Variants in CACNB2 observed in about 807,000 individuals in gnomAD.
CACNB2 encodes the protein voltage-dependent L-type calcium channel subunit beta-2.
In CACNB2, 42 loss-of-function variants were observed where a neutral mutation model predicts 73.3. The observed-to-expected ratio is 0.57, with a 90% CI of 0.45 to 0.74. The LOEUF is 0.74. CACNB2 is among the 30% of genes least tolerant of loss of function. CACNB2 has a pLI of 0.00. For synonymous variants in CACNB2, 348 were observed against 310.3 expected (o/e 1.12, Z -1.28); for missense variants, 940 against 853.0 (o/e 1.10, Z -1.27).
intron 2 of CACNB2, among the ~76,000 whole-genome samples, chr10:18,318,338 G>A (rs1210007191): frequency 3.3e-5 from 5 of 152,160 alleles, no homozygotes; most frequent in African/African-American, 1.2e-4. Context: ...ACAACCATCT[G>A]ATCTTCAACA....
At chr10:18,486,809 G>A (rs1242304382) in intron 3 of CACNB2, among the ~76,000 whole-genome samples, 1 of 152,202 alleles carries the variant, frequency 6.6e-6, no homozygotes, top group African/African-American at 2.4e-5. Context: ...ATCCTTTTGG[G>A]TCTGTAGGCC....
At chr10:18,425,402 C>G (rs1436612352) in intron 3 of CACNB2, among the ~76,000 whole-genome samples, 2 of 152,262 alleles carry the variant, frequency 1.3e-5, no homozygotes, top group East Asian at 1.9e-4. Context: ...TGTGGTGGCT[C>G]AATCCTGTAA....
chr10:18,268,505 A>G (rs1282372588), intron 2 of CACNB2, among the ~76,000 whole-genome samples: 10 of 152,244 alleles, frequency 6.6e-5, no homozygotes, highest in Admixed American at 5.9e-4. Context: ...AGAATACGTT[A>G]TATAAAAATT....
chr10:18,324,617 C>T (rs2040513017), intron 2 of CACNB2, among the ~76,000 whole-genome samples: 2 of 152,222 alleles, frequency 1.3e-5, no homozygotes, highest in Non-Finnish European at 2.9e-5. Context: ...CTTTGGGAGG[C>T]CGAAGTGGGT....
intron 2 of CACNB2, among the ~76,000 whole-genome samples, chr10:18,324,035 T>C (rs1356196816): frequency 2.0e-5 from 3 of 152,218 alleles, no homozygotes; most frequent in East Asian, 1.9e-4. Flanking sequence ...TTTAAACATC[T>C]AACTGATCAT....
At chr10:18,317,107 C>T (rs757050994) in intron 2 of CACNB2, among the ~76,000 whole-genome samples, 2 of 151,804 alleles carry the variant, frequency 1.3e-5, no homozygotes, top group African/African-American at 4.8e-5. Flanking sequence ...CCCCACACCA[C>T]CCCCTGCCCC....
At chr10:18,503,904 A>G (rs1417832638) in intron 5 of CACNB2, among the ~76,000 whole-genome samples, 1 of 152,196 alleles carries the variant, frequency 6.6e-6, no homozygotes, top group Non-Finnish European at 1.5e-5. Context: ...TTTTTTAAGT[A>G]TAGTATTTAC....
chr10:18,356,950 T>TTTC lies in CACNB2; in HGVS notation c.214-44972_214-44971insCTT, dbSNP rs1554799776. On this transcript the variant is annotated intron_variant, in intron 2 of 13. Transcript: ENST00000324631. ...TGGCCCAGACTCAATTTCTTTTTTTTTTTTTTTTTTTTGAGACGGAGTTTC... is the reference window on the plus strand; with the variant it reads ...TGGCCCAGACTCAATTTCTTTTTTTTTTCTTTTTTTTTTTTGAGACGGAGTTTC... Among the ~76,000 whole-genome samples, 171 of 124,554 alleles carry TTTC rather than the reference T, an allele frequency of 1.4e-3. 5 individuals carry two copies. The highest frequency in any genetic ancestry group is 1.8e-3 in the Non-Finnish European group (103 of 57,548). The allele number at this position is 124,554 out of a possible 152,430, so 81.7% of individuals were successfully genotyped here.
At chr10:18,452,466 A>T (rs962861165) in intron 3 of CACNB2, among the ~76,000 whole-genome samples, 1 of 152,216 alleles carries the variant, frequency 6.6e-6, no homozygotes, top group African/African-American at 2.4e-5. Flanking sequence ...TTTAAAAAAA[A>T]ATTATCTAGC....
intron 2 of CACNB2, among the ~76,000 whole-genome samples, chr10:18,172,394 G>A (rs1418666065): frequency 6.6e-6 from 1 of 152,158 alleles, no homozygotes; most frequent in Non-Finnish European, 1.5e-5. Context: ...ACTTCCATCT[G>A]GAGAGTTGAT....
chr10:18,522,688 G>A (rs189350730), intron 9 of CACNB2, among the ~76,000 whole-genome samples: 96 of 151,970 alleles, frequency 6.3e-4, no homozygotes, highest in African/African-American at 2.1e-3. Context: ...GACCGGCTTC[G>A]CCAACATGGT....
intron 1 of CACNB2, 62 bp downstream of exon 1, chr10:18,140,918 G>C (rs2030316421): frequency 6.5e-7 from 1 of 1,547,600 alleles, no homozygotes; most frequent in South Asian, 1.2e-5. Flanking sequence ...ACCGACCTCG[G>C]GTTCTCCCGG....
rs59709475 is a variant in CACNB2, at chr10:18,333,442, TA to T, written c.214-68470del. 5.4e-3 allele frequency among the ~76,000 whole-genome samples: 792 copies of T among 146,532 alleles called. 6 individuals are homozygous for T. The highest frequency in any genetic ancestry group is 0.017 in the African/African-American group (691 of 40,240). On this transcript the variant is annotated intron_variant, in intron 2 of 13. Transcript: ENST00000324631. ...GCTCAGTTGGAAATTTTGTTAATGT[TA>T]AAAAAAAAAAACCTGTTAGAGACAA...
At chr10:18,356,809 T>A (rs2041926645) in intron 2 of CACNB2, among the ~76,000 whole-genome samples, 1 of 151,960 alleles carries the variant, frequency 6.6e-6, no homozygotes, top group Non-Finnish European at 1.5e-5. Flanking sequence ...TTTTTATATT[T>A]TGTAGGGGTG....
At chr10:18,173,865 T>G (rs2131167902) in intron 2 of CACNB2, among the ~76,000 whole-genome samples, 1 of 152,314 alleles carries the variant, frequency 6.6e-6, no homozygotes, top group African/African-American at 2.4e-5. Context: ...ATGTTTAGAT[T>G]TTACGTTTCT....
chr10:18,276,034 T>C (rs2038273408), intron 2 of CACNB2, among the ~76,000 whole-genome samples: 1 of 152,208 alleles, frequency 6.6e-6, no homozygotes, highest in Non-Finnish European at 1.5e-5. Context: ...CATTTCAACA[T>C]GTCAAAGTAT....
chr10:18,140,832 G>A lies in CACNB2; in HGVS notation c.96G>A (p.Ala32=), dbSNP rs1057522395. 8 of 1,603,008 alleles carry A rather than the reference G, an allele frequency of 5.0e-6. No individual in the cohort carries two copies. Among genetic ancestry groups the A allele is most frequent in the Non-Finnish European group, 6.0e-6 (7 of 1,176,454 alleles). The part of the protein sequence containing the change: ...QMELLENVAP[A]GALGAAAQSY... ...AACTGCTAGAGAACGTGGCTCCCGC[G>A]GGGGCGCTCGGAGCCGCCGCACAGG... The change falls in exon 1 of 14, where the codon GCG becomes GCA. Residue 32 remains alanine (A), a synonymous_variant. Coordinates refer to ENST00000324631, the MANE Select transcript of CACNB2 (RefSeq NM_201596.3).
chr10:18,288,935 C>G (rs2038928739), intron 2 of CACNB2, among the ~76,000 whole-genome samples: 1 of 152,086 alleles, frequency 6.6e-6, no homozygotes, highest in Non-Finnish European at 1.5e-5. Flanking sequence ...CTCCCAGCTA[C>G]TCAGGAGGTT....
rs1564680593 is a variant in CACNB2 at position 18,539,872 on chromosome 10, A to G, written c.*148A>G. The G allele has an allele frequency of 1.2e-6, 1 of 831,020 alleles. No homozygotes were observed. The highest frequency in any genetic ancestry group is 1.8e-6 in the Non-Finnish European group (1 of 541,868). The allele number at this position is 831,020 out of a possible 1,614,324, so 51.5% of individuals were successfully genotyped here. On this transcript the variant is annotated 3_prime_UTR_variant, in exon 14 of 14. Transcript: ENST00000324631. ...TATTATTGCTGTTGCTTGAATAGCA[A>G]TAGCATGGATAGAGTATTGAGATAC...
Sources: allele counts gnomAD v4.1 joint callset (sites outside exome capture counted in the v4.1 genomes callset), GRCh38; gene constraint gnomAD v4.1.1; transcripts MANE v1.5; gene names NCBI Gene and HGNC (gene_info 2026-07-23, HGNC 2026-07-21).